ROBO2: variants seen among roughly 807,000 people sequenced by gnomAD.
The protein encoded by ROBO2 is roundabout guidance receptor 2.
Under a neutral mutation model 160.8 loss-of-function variants are expected in ROBO2, and 53 were observed. The observed-to-expected ratio is 0.33, with a 90% confidence interval of 0.26 to 0.41. ROBO2 has a LOEUF of 0.41. ROBO2 is among the 10% of genes least tolerant of loss of function. The probability of loss-of-function intolerance (pLI) is 1.00; values close to 1 mark genes in which losing one functional copy is unlikely to be tolerated. For synonymous variants in ROBO2, 664 were observed against 611.7 expected (o/e 1.09, Z -1.26); for missense variants, 1,577 against 1,722.4 (o/e 0.92, Z 1.49).
At chr3:77,281,079 T>C (rs2060207699) in intron 2 of ROBO2, among the ~76,000 whole-genome samples, 2 of 152,240 alleles carry the variant, frequency 1.3e-5, no homozygotes, top group Non-Finnish European at 1.5e-5. Flanking sequence ...AGCTGTATTA[T>C]CAGATATCAG....
chr3:77,215,151 C>G (rs185759730), intron 2 of ROBO2, among the ~76,000 whole-genome samples: 1 of 152,328 alleles, frequency 6.6e-6, no homozygotes, highest in Admixed American at 6.5e-5. Context: ...GGGAAGTTCT[C>G]CTGGATAATA....
chr3:76,479,817 T>A (rs1314804735), intron 2 of ROBO2, among the ~76,000 whole-genome samples: 8 of 152,150 alleles, frequency 5.3e-5, no homozygotes. Context: ...ACAGACAGTG[T>A]CCAACTTTGG....
At chr3:76,158,532 A>G (rs182461507) in intron 2 of ROBO2, among the ~76,000 whole-genome samples, 1 of 152,130 alleles carries the variant, frequency 6.6e-6, no homozygotes, top group East Asian at 1.9e-4. Flanking sequence ...TTTGATACAT[A>G]ATCAAATCTG....
At chr3:77,619,153 G>T (rs1394897716) in intron 22 of ROBO2, among the ~76,000 whole-genome samples, 1 of 152,152 alleles carries the variant, frequency 6.6e-6, no homozygotes, top group Non-Finnish European at 1.5e-5. Flanking sequence ...AGATGAACCT[G>T]TCTTACTAGC....
At chr3:76,130,155 A>G (rs1313028705) in intron 2 of ROBO2, among the ~76,000 whole-genome samples, 2 of 152,228 alleles carry the variant, frequency 1.3e-5, no homozygotes, top group Non-Finnish European at 1.5e-5. Context: ...GCTTTTTCTT[A>G]TAAGCTCTGC....
intron 2 of ROBO2, among the ~76,000 whole-genome samples, chr3:76,237,582 A>G (rs916281770): frequency 2.6e-5 from 4 of 152,188 alleles, no homozygotes; most frequent in Non-Finnish European, 5.9e-5. Flanking sequence ...AAGAAGCTCA[A>G]TGTCCTGGAT....
intron 2 of ROBO2, among the ~76,000 whole-genome samples, chr3:76,176,645 TATC>T (rs1369742724): frequency 6.6e-6 from 1 of 152,156 alleles, no homozygotes; most frequent in African/African-American, 2.4e-5. Context: ...AAAACTCTGT[TATC>T]ATCTGGGAGA....
intron 2 of ROBO2, among the ~76,000 whole-genome samples, chr3:76,922,096 G>T (rs961914502): frequency 6.6e-6 from 1 of 152,158 alleles, no homozygotes; most frequent in Non-Finnish European, 1.5e-5. Flanking sequence ...CAGATCAAGA[G>T]GTCAGGAGAT....
chr3:76,164,460 ATAT>A (rs1331776252), intron 2 of ROBO2, among the ~76,000 whole-genome samples: 2 of 152,200 alleles, frequency 1.3e-5, no homozygotes, highest in African/African-American at 2.4e-5. Context: ...CTTATGAAAC[ATAT>A]TATTAAATAA....
At chr3:76,560,933 GATATATATATATATATAT>G (rs10581875) in intron 2 of ROBO2, among the ~76,000 whole-genome samples, 27 of 128,162 alleles carry the variant, frequency 2.1e-4, no homozygotes, top group South Asian at 7.9e-4. Context: ...TAAGAAGTAA[GATATATATATATATATAT>G]ATATATATAT....
At chr3:76,879,435 A>C (rs536342960) in intron 2 of ROBO2, among the ~76,000 whole-genome samples, 7 of 152,126 alleles carry the variant, frequency 4.6e-5, no homozygotes, top group Non-Finnish European at 8.8e-5. Flanking sequence ...AATAGGTGGT[A>C]GTGGGAAAAA....
At chr3:76,165,876 AATGC>A (rs1375155905) in intron 2 of ROBO2, among the ~76,000 whole-genome samples, 1 of 152,136 alleles carries the variant, frequency 6.6e-6, no homozygotes, top group South Asian at 2.1e-4. Context: ...ATAATATAAA[AATGC>A]AAGGTGAAGC....
At chr3:76,698,099 T>TGTAGAA (rs2092968226) in intron 2 of ROBO2, among the ~76,000 whole-genome samples, 1 of 152,124 alleles carries the variant, frequency 6.6e-6, no homozygotes, top group Non-Finnish European at 1.5e-5. Flanking sequence ...GTAGAATGCC[T>TGTAGAA]GCAGAAGCTC....
At chr3:76,440,404 C>T (rs1559948315) in intron 2 of ROBO2, among the ~76,000 whole-genome samples, 1 of 151,940 alleles carries the variant, frequency 6.6e-6, no homozygotes, top group Non-Finnish European at 1.5e-5. Context: ...TCCCCTCTCC[C>T]CCAACCCCAC....
At chr3:76,356,284 A>G (rs1252398700) in intron 2 of ROBO2, among the ~76,000 whole-genome samples, 1 of 151,618 alleles carries the variant, frequency 6.6e-6, no homozygotes, top group Non-Finnish European at 1.5e-5. Context: ...GTGAGCAAAA[A>G]ACAGATGGAA....
intron 5 of ROBO2, among the ~76,000 whole-genome samples, chr3:77,501,346 ATAC>A (rs970057296): frequency 6.6e-6 from 1 of 152,232 alleles, no homozygotes; most frequent in African/African-American, 2.4e-5. Flanking sequence ...ATTAACACAA[ATAC>A]TTGTGTGCAC....
chr3:76,105,918 G>A (rs1325481431), intron 2 of ROBO2, among the ~76,000 whole-genome samples: 1 of 152,054 alleles, frequency 6.6e-6, no homozygotes, highest in African/African-American at 2.4e-5. Flanking sequence ...CAATAGGGTG[G>A]AAGGAAAAGT....
intron 2 of ROBO2, among the ~76,000 whole-genome samples, chr3:76,179,360 A>G (rs1701387862): frequency 6.6e-6 from 1 of 152,152 alleles, no homozygotes; most frequent in Admixed American, 6.6e-5. Flanking sequence ...TCCCATGCCC[A>G]CTGCAAACCT....
chr3:77,424,832 T>C (rs925694298), intron 2 of ROBO2, among the ~76,000 whole-genome samples: 2 of 152,118 alleles, frequency 1.3e-5, no homozygotes, highest in Admixed American at 6.6e-5. Flanking sequence ...CTTGTCAATG[T>C]AGTTTAGGGT....
Sources: gnomAD v4.1 joint callset for allele counts (sites outside exome capture counted in the v4.1 genomes callset) on GRCh38, gnomAD v4.1.1 for gene constraint, MANE v1.5 for transcripts, NCBI Gene and HGNC (gene_info 2026-07-23, HGNC 2026-07-21) for gene names.